KCNN2: variants seen among roughly 807,000 people sequenced by gnomAD.
The protein encoded by KCNN2 is small conductance calcium-activated potassium channel protein 2.
In KCNN2, 24 loss-of-function variants were observed where a neutral mutation model predicts 55.5. That is an observed-to-expected ratio of 0.43 (90% CI 0.31 to 0.61). KCNN2 has a LOEUF of 0.61. KCNN2 is among the 20% of genes least tolerant of loss of function. The pLI, the probability that KCNN2 is intolerant of heterozygous loss-of-function variation, is 0.08. For missense variants in KCNN2, 754 were observed against 853.6 expected (o/e 0.88, Z 1.45); for synonymous variants, 431 against 336.1 (o/e 1.28, Z -3.09).
At chr5:114,154,074 T>C (rs947677495) in intron 1 of KCNN2, among the ~76,000 whole-genome samples, 6 of 152,162 alleles carry the variant, frequency 3.9e-5, no homozygotes, top group African/African-American at 1.2e-4. Flanking sequence ...TCATGTCTGC[T>C]TCTTTATAAA....
chr5:114,162,484 A>G lies in KCNN2; in HGVS notation c.-270-58996A>G, dbSNP rs11952235. ...TTGAGGAGGCAGTCTGCCCTTTCTC[A>G]GATCTCAGGCTGTGTGCTGGGAGAA... On this transcript the variant is annotated intron_variant, in intron 1 of 10. Coordinates refer to the KCNN2 transcript ENST00000512097. Among the ~76,000 whole-genome samples, 1,148 of 152,296 alleles carry G rather than the reference A, an allele frequency of 7.5e-3. 15 individuals are homozygous for G. The highest frequency in any genetic ancestry group is 0.026 in the African/African-American group (1,082 of 41,568).
intron 3 of KCNN2, among the ~76,000 whole-genome samples, chr5:114,414,308 T>G (rs1759229235): frequency 6.6e-6 from 1 of 152,190 alleles, no homozygotes; most frequent in Non-Finnish European, 1.5e-5. Context: ...TTAATGGACT[T>G]GCTTACTATT....
intron 1 of KCNN2, among the ~76,000 whole-genome samples, chr5:114,088,917 A>G (rs1751078283): frequency 6.6e-6 from 1 of 152,224 alleles, no homozygotes; most frequent in South Asian, 2.1e-4. Flanking sequence ...CACTGCGCCC[A>G]GCCACATTTT....
At chr5:114,353,288 T>C (rs970643418) in intron 2 of KCNN2, among the ~76,000 whole-genome samples, 1 of 151,826 alleles carries the variant, frequency 6.6e-6, no homozygotes, top group Admixed American at 6.6e-5. Context: ...ACCTATTTAT[T>C]TACCTTTTCT....
At chr5:114,248,654 AGAG>A (rs1370738531) in intron 2 of KCNN2, among the ~76,000 whole-genome samples, 4 of 152,224 alleles carry the variant, frequency 2.6e-5, no homozygotes, top group Non-Finnish European at 5.9e-5. Flanking sequence ...ATTTATTTAC[AGAG>A]AAGAAAACAT....
At chr5:114,284,002 A>G (rs1179810812) in intron 2 of KCNN2, among the ~76,000 whole-genome samples, 1 of 152,198 alleles carries the variant, frequency 6.6e-6, no homozygotes, top group East Asian at 1.9e-4. Context: ...CAGAGTAAGA[A>G]TGACATCCAG....
intron 1 of KCNN2, among the ~76,000 whole-genome samples, chr5:114,120,084 A>G (rs2974458): frequency 0.022 from 3,371 of 152,266 alleles, 125 homozygotes; most frequent in African/African-American, 0.076. Context: ...TTTGATCATC[A>G]TTTATCCAGG....
At chr5:114,088,496 TG>T (rs1751065422) in intron 1 of KCNN2, among the ~76,000 whole-genome samples, 1 of 152,184 alleles carries the variant, frequency 6.6e-6, no homozygotes, top group African/African-American at 2.4e-5. Context: ...CCTGCTTTTT[TG>T]TTCCTTTGAA....
rs191469627 is a variant in KCNN2, at chr5:114,478,459, A to C, written c.1890+5295A>C. Among the ~76,000 whole-genome samples the C allele has an allele frequency of 9.8e-4, 149 of 152,214 alleles. 1 individual carries two copies. In the South Asian group the frequency reaches 0.015, roughly 15 times the overall value. On this transcript the variant is annotated intron_variant, in intron 5 of 7. Coordinates refer to ENST00000673685, the MANE Select transcript of KCNN2 (RefSeq NM_021614.4). ...GAAAGAGATGGGGAGTATGGTACTA[A>C]GTTGGAAAACATACTTCCGGATATC... is the stretch of plus-strand genomic sequence containing the variant.
chr5:114,364,714 C>T (rs1436580132), intron 2 of KCNN2, among the ~76,000 whole-genome samples: 2 of 150,720 alleles, frequency 1.3e-5, no homozygotes, highest in East Asian at 2.0e-4. Flanking sequence ...ATAAAACTTA[C>T]GGGTCATCTT....
intron 2 of KCNN2, among the ~76,000 whole-genome samples, chr5:114,246,435 T>C (rs1364071049): frequency 6.6e-6 from 1 of 152,208 alleles, no homozygotes; most frequent in African/African-American, 2.4e-5. Flanking sequence ...TGAATACTTA[T>C]CTACCTATTA....
chr5:114,068,236 C>T (rs772000978), intron 1 of KCNN2, among the ~76,000 whole-genome samples: 2 of 152,142 alleles, frequency 1.3e-5, no homozygotes. Context: ...GGTCAATAGT[C>T]CTTGGAACAT....
chr5:114,374,402 A>G (rs1757873844), intron 2 of KCNN2, among the ~76,000 whole-genome samples: 1 of 152,190 alleles, frequency 6.6e-6, no homozygotes, highest in Non-Finnish European at 1.5e-5. Flanking sequence ...TATTCTTTGT[A>G]GGTCTACAGG....
At chr5:114,134,319 T>C (rs1392652250) in intron 1 of KCNN2, among the ~76,000 whole-genome samples, 1 of 151,156 alleles carries the variant, frequency 6.6e-6, no homozygotes, top group African/African-American at 2.5e-5. Flanking sequence ...TGGGAAACTT[T>C]TTGAATTTAG....
At chr5:114,414,320 T>A (rs191427156) in intron 3 of KCNN2, among the ~76,000 whole-genome samples, 2 of 152,296 alleles carry the variant, frequency 1.3e-5, no homozygotes, top group East Asian at 1.9e-4. Context: ...CTTACTATTA[T>A]GAGAATTAAA....
chr5:114,228,873 G>C (rs938934059), intron 2 of KCNN2, among the ~76,000 whole-genome samples: 1 of 151,744 alleles, frequency 6.6e-6, no homozygotes, highest in African/African-American at 2.4e-5. Flanking sequence ...CTTTAAAAGC[G>C]TTTTGCTTTC....
At chr5:114,269,408 T>C (rs1755275399) in intron 2 of KCNN2, among the ~76,000 whole-genome samples, 1 of 152,054 alleles carries the variant, frequency 6.6e-6, no homozygotes, top group Admixed American at 6.6e-5. Context: ...GAAATGAACA[T>C]AGGTAAAGGG....
chr5:114,451,998 G>A (rs568837599), intron 3 of KCNN2, among the ~76,000 whole-genome samples: 2 of 151,072 alleles, frequency 1.3e-5, no homozygotes, highest in East Asian at 1.9e-4. Context: ...GCTTCTCTTT[G>A]TTTACTTACT....
chr5:114,386,977 A>C (rs1758309124), intron 2 of KCNN2, among the ~76,000 whole-genome samples: 1 of 152,172 alleles, frequency 6.6e-6, no homozygotes, highest in South Asian at 2.1e-4. Context: ...GCCAGTTAGC[A>C]ATCTTGAAAT....
Sources: allele counts gnomAD v4.1 joint callset (sites outside exome capture counted in the v4.1 genomes callset), GRCh38; gene constraint gnomAD v4.1.1; transcripts MANE v1.5; gene names NCBI Gene and HGNC (gene_info 2026-07-23, HGNC 2026-07-21).